NKAIN3: variants seen among roughly 807,000 people sequenced by gnomAD.
NKAIN3 encodes the protein sodium/potassium transporting ATPase interacting 3.
In NKAIN3, 25 loss-of-function variants were observed where a neutral mutation model predicts 30.2. The ratio of observed to expected loss-of-function variants is 0.83; its 90% CI spans 0.60 to 1.16. The LOEUF (loss-of-function observed/expected upper bound fraction) is 1.16. NKAIN3 is among the 50% of genes most tolerant of loss of function. The probability of loss-of-function intolerance (pLI) is 0.00; values close to 1 mark genes in which losing one functional copy is unlikely to be tolerated. For synonymous variants in NKAIN3, 91 were observed against 89.6 expected (o/e 1.02, Z -0.09); for missense variants, 225 against 254.1 (o/e 0.89, Z 0.78).
intron 1 of NKAIN3, among the ~76,000 whole-genome samples, chr8:62,317,369 G>A (rs575319595): frequency 5.0e-4 from 76 of 152,080 alleles, no homozygotes; most frequent in Non-Finnish European, 1.0e-3. Context: ...TCCTGAATGG[G>A]TATTGCCTAG....
intron 3 of NKAIN3, among the ~76,000 whole-genome samples, chr8:62,745,578 T>C (rs1360342005): frequency 1.3e-5 from 2 of 152,190 alleles, no homozygotes; most frequent in Non-Finnish European, 2.9e-5. Context: ...TTCTTTTCAA[T>C]CTATTGTTTA....
chr8:62,427,077 G>C (rs536747282), intron 1 of NKAIN3, among the ~76,000 whole-genome samples: 1 of 152,132 alleles, frequency 6.6e-6, no homozygotes, highest in East Asian at 1.9e-4. Context: ...CTGTCAGAGG[G>C]AGCTCAAGAT....
chr8:62,901,406 G>T (rs1821609886), intron 4 of NKAIN3, among the ~76,000 whole-genome samples: 1 of 152,140 alleles, frequency 6.6e-6, no homozygotes, highest in Non-Finnish European at 1.5e-5. Flanking sequence ...GGAGTTCAAG[G>T]TTAGCCTGGA....
intron 3 of NKAIN3, among the ~76,000 whole-genome samples, chr8:62,689,001 C>T (rs541632361): frequency 1.3e-5 from 2 of 152,232 alleles, no homozygotes; most frequent in East Asian, 3.9e-4. Flanking sequence ...TATACAATAA[C>T]AACTGTAAGT....
intron 4 of NKAIN3, among the ~76,000 whole-genome samples, chr8:62,802,049 C>T (rs533247761): frequency 5.5e-4 from 83 of 151,826 alleles, no homozygotes; most frequent in Non-Finnish European, 9.3e-4. Context: ...TGAAATGAAG[C>T]GAGAAGGGAA....
chr8:62,883,915 A>G (rs954917766), intron 4 of NKAIN3, among the ~76,000 whole-genome samples: 4 of 152,050 alleles, frequency 2.6e-5, no homozygotes, highest in Non-Finnish European at 4.4e-5. Context: ...AAAGTTTGTA[A>G]TTATAAATGG....
chr8:62,855,901 T>G, intron 4 of NKAIN3: 1 of 763,794 alleles, frequency 1.3e-6, no homozygotes, highest in Non-Finnish European at 2.4e-6. Context: ...GAGATGTTCC[T>G]GCGGGGTGTG....
intron 1 of NKAIN3, among the ~76,000 whole-genome samples, chr8:62,518,600 A>G (rs1308905908): frequency 2.0e-5 from 3 of 152,176 alleles, no homozygotes; most frequent in Non-Finnish European, 4.4e-5. Context: ...TGATTTCATC[A>G]TGATTTAAAC....
At chr8:62,383,526 A>G (rs912074673) in intron 1 of NKAIN3, 16 of 455,400 alleles carry the variant, frequency 3.5e-5, no homozygotes, top group Non-Finnish European at 6.6e-5. Flanking sequence ...TTTCTCCTCA[A>G]TGATTATCTT....
chr8:62,890,825 C>G (rs548869906), intron 4 of NKAIN3, among the ~76,000 whole-genome samples: 1 of 152,204 alleles, frequency 6.6e-6, no homozygotes, highest in Non-Finnish European at 1.5e-5. Flanking sequence ...TCATTCCACC[C>G]TCTCATCACC....
At chr8:62,478,268 G>C (rs1806586273) in intron 1 of NKAIN3, among the ~76,000 whole-genome samples, 1 of 152,158 alleles carries the variant, frequency 6.6e-6, no homozygotes, top group African/African-American at 2.4e-5. Flanking sequence ...AGTTGCTCCA[G>C]TATTTAAACC....
At chr8:62,778,486 C>A (rs1265000674) in intron 4 of NKAIN3, among the ~76,000 whole-genome samples, 1 of 152,016 alleles carries the variant, frequency 6.6e-6, no homozygotes, top group African/African-American at 2.4e-5. Context: ...CCACAGTCAC[C>A]ACTACCACAG....
chr8:62,548,464 C>G (rs915821844), intron 1 of NKAIN3, among the ~76,000 whole-genome samples: 1 of 152,124 alleles, frequency 6.6e-6, no homozygotes, highest in Admixed American at 6.5e-5. Flanking sequence ...CACGGCTCCC[C>G]CTGTGTCGGG....
intron 3 of NKAIN3, among the ~76,000 whole-genome samples, chr8:62,740,449 A>G (rs965250238): frequency 1.6e-4 from 24 of 152,174 alleles, no homozygotes; most frequent in African/African-American, 5.1e-4. Context: ...TTGAGCTGCA[A>G]CTAAGGAGAA....
rs917954279 is a variant in NKAIN3, at chr8:62,976,539, A to G, written c.*11132A>G. ...TTTTTTTGCTTTCCATTTGCCTGGT[A>G]AATATCTCTCCATCCTTTTATTTTG... On this transcript the variant is annotated 3_prime_UTR_variant, in exon 7 of 7. Coordinates refer to ENST00000623646, the MANE Select transcript of NKAIN3 (RefSeq NM_001304533.3). 6.6e-5 allele frequency among the ~76,000 whole-genome samples: 10 copies of G among 152,292 alleles called. No homozygotes were observed. The highest frequency in any genetic ancestry group is 3.4e-3 in the Middle Eastern group (1 of 294).
chr8:62,707,586 T>C (rs1814575092), intron 3 of NKAIN3, among the ~76,000 whole-genome samples: 1 of 152,166 alleles, frequency 6.6e-6, no homozygotes, highest in Non-Finnish European at 1.5e-5. Flanking sequence ...GTTTTTTTCT[T>C]ACTGATTTGT....
At chr8:62,503,889 G>C (rs1444670594) in intron 1 of NKAIN3, among the ~76,000 whole-genome samples, 1 of 152,016 alleles carries the variant, frequency 6.6e-6, no homozygotes, top group African/African-American at 2.4e-5. Flanking sequence ...CAATCAATTT[G>C]TACAGTTAAC....
chr8:62,286,387 AT>A (rs564442016), intron 1 of NKAIN3, among the ~76,000 whole-genome samples: 27 of 151,464 alleles, frequency 1.8e-4, no homozygotes, highest in Middle Eastern at 3.4e-3. Flanking sequence ...AAGATACAGT[AT>A]TTTTTTTTAA....
chr8:62,518,873 A>G (rs2129774584), intron 1 of NKAIN3, among the ~76,000 whole-genome samples: 1 of 152,252 alleles, frequency 6.6e-6, no homozygotes, highest in East Asian at 1.9e-4. Flanking sequence ...TAGCTTCAGG[A>G]TTTAGAAGTG....
Sources: allele counts gnomAD v4.1 joint callset (sites outside exome capture counted in the v4.1 genomes callset), GRCh38; gene constraint gnomAD v4.1.1; transcripts MANE v1.5; gene names NCBI Gene and HGNC (gene_info 2026-07-23, HGNC 2026-07-21).